OGDH: variants seen among roughly 807,000 people sequenced by gnomAD.
The protein encoded by OGDH is 2-oxoglutarate dehydrogenase complex component E1.
OGDH carries 38 observed loss-of-function variants against 116.6 expected under a neutral mutation model. The ratio of observed to expected loss-of-function variants is 0.33; its 90% confidence interval spans 0.25 to 0.43. OGDH has a LOEUF of 0.43. Among genes scored for constraint, OGDH ranks in the 20% least tolerant of loss-of-function variants. OGDH has a pLI of 1.00. For synonymous variants in OGDH, 488 were observed against 533.3 expected (o/e 0.92, Z 1.17); for missense variants, 825 against 1,357.2 (o/e 0.61, Z 6.16).
At position 44,694,313 on chromosome 7, in the gene OGDH, A is replaced by C; in HGVS notation, c.1516-111A>C. 1.5e-6 allele frequency: 2 copies of C among 1,315,570 alleles called. No homozygotes were observed. The allele number at this position is 1,315,570 out of a possible 1,614,324, so 81.5% of individuals were successfully genotyped here. Reference sequence around the variant, plus strand: ...GAAGGTAAACTCCAGGGCAGGCATGAGGAATGAAGAACGTGGCCATCACCT... The same window carrying C: ...GAAGGTAAACTCCAGGGCAGGCATGCGGAATGAAGAACGTGGCCATCACCT... On this transcript the variant is annotated intron_variant, in intron 11 of 22. Coordinates refer to ENST00000222673, the MANE Select transcript of OGDH (RefSeq NM_002541.4). This position sits in a 1 kb window ranked among gnomAD's most constrained non-coding sequence, Gnocchi z 4.2.
At chr7:44,647,398 A>G (rs1430334161) in intron 3 of OGDH, 3 of 1,343,614 alleles carry the variant, frequency 2.2e-6, no homozygotes, top group Non-Finnish European at 3.1e-6. Context: ...CCCTCCCCAC[A>G]GCTCACTGGA....
intron 4 of OGDH, among the ~76,000 whole-genome samples, chr7:44,656,976 G>T (rs1213032083): frequency 1.3e-5 from 2 of 152,090 alleles, no homozygotes; most frequent in African/African-American, 2.4e-5. Context: ...TTTACACTCT[G>T]GCTTCTCTAA....
chr7:44,682,430 G>A (rs1180480567), intron 10 of OGDH, among the ~76,000 whole-genome samples: 1 of 151,912 alleles, frequency 6.6e-6, no homozygotes, highest in African/African-American at 2.4e-5. Flanking sequence ...GGGCATGGTG[G>A]CCCACAAATG....
rs753194562 is a variant in OGDH, at chr7:44,696,421, TCTC to T, written c.1772-5_1772-3del. The T allele has an allele frequency of 6.2e-7, 1 of 1,609,126 alleles. No homozygotes were observed. Among genetic ancestry groups the T allele is most frequent in the African/African-American group, 1.3e-5 (1 of 74,708 alleles). On this transcript the variant is annotated splice_polypyrimidine_tract_variant and splice_region_variant and intron_variant, in intron 13 of 22. Coordinates refer to ENST00000222673, the MANE Select transcript of OGDH (RefSeq NM_002541.4). ...GATGTCATGCCTCAGTTGTTCTTCT[TCTC>T]CTAGGCTTCTTCACCCTGGACGGGC...
At chr7:44,653,039 T>G (rs1786522211) in intron 4 of OGDH, among the ~76,000 whole-genome samples, 1 of 152,218 alleles carries the variant, frequency 6.6e-6, no homozygotes, top group Non-Finnish European at 1.5e-5. Context: ...AAACTCCTGC[T>G]TAATTAGAAA....
Position 44,645,517 on chromosome 7 carries a change from A to G in OGDH, c.413A>G (p.Gln138Arg), listed in dbSNP as rs769807291. The G allele has an allele frequency of 6.2e-7, 1 of 1,613,722 alleles. No individual in the cohort carries two copies. Among genetic ancestry groups the G allele is most frequent in the South Asian group, 1.1e-5 (1 of 91,074 alleles). ...LAVQSLIRAY[Q>R]IRGHHVAQLD... ...GTGCAGTCGCTCATCAGGGCATATC[A>G]GGTAAGGCGGGTGCTTTACCCGCAC... Residue 138 changes from glutamine (Q) to arginine (R), a missense_variant and splice_region_variant, in exon 3 of 23, where the codon CAG becomes CGG. Gln to Arg is a conservative substitution (Grantham distance 43, BLOSUM62 1). Around this residue, in one of 7 missense-constraint regions of OGDH, gnomAD observed 171 missense variants for 276.8 expected, o/e 0.62. Coordinates refer to ENST00000222673, the MANE Select transcript of OGDH (RefSeq NM_002541.4).
At chr7:44,622,144 T>C (rs577853374) in intron 1 of OGDH, among the ~76,000 whole-genome samples, 1 of 152,274 alleles carries the variant, frequency 6.6e-6, no homozygotes, top group South Asian at 2.1e-4. Context: ...AATTGGGTAT[T>C]TAATATTGCC....
chr7:44,657,408 G>A (rs1173493573), intron 4 of OGDH, among the ~76,000 whole-genome samples: 2 of 152,196 alleles, frequency 1.3e-5, no homozygotes, highest in African/African-American at 4.8e-5. Context: ...GATTCATGCA[G>A]GTTGTTGGTG....
intron 4 of OGDH, among the ~76,000 whole-genome samples, chr7:44,662,464 CTTT>C (rs199533460): frequency 2.3e-5 from 3 of 130,822 alleles, no homozygotes; most frequent in Non-Finnish European, 3.3e-5. Context: ...CTTTTCTTTT[CTTT>C]TTTTTTTTTT....
At chr7:44,676,946 C>T (rs150617914) in intron 9 of OGDH, among the ~76,000 whole-genome samples, 4 of 152,078 alleles carry the variant, frequency 2.6e-5, no homozygotes, top group Non-Finnish European at 4.4e-5. Context: ...TGGTAGGAGA[C>T]GGAGGAGGGC....
chr7:44,696,637 CCCCA>C (rs144097169), intron 14 of OGDH, 80 bp downstream of exon 14: 125,647 of 1,571,796 alleles, frequency 0.08, 5,170 homozygotes, highest in Middle Eastern at 0.094. Context: ...TGACCTTGGC[CCCCA>C]CCCATCATGT....
At chr7:44,639,957 C>T (rs1785854736) in intron 2 of OGDH, among the ~76,000 whole-genome samples, 1 of 152,212 alleles carries the variant, frequency 6.6e-6, no homozygotes, top group Non-Finnish European at 1.5e-5. Context: ...GTGCAGTTAT[C>T]CTCAGCCAAT....
In OGDH at chr7:44,624,445, T is replaced by G. The variant is rs747668516; in HGVS notation, c.102T>G (p.Phe34Leu). The change falls in exon 2 of 23, where the codon TTT becomes TTG. Residue 34 changes from phenylalanine to leucine, a missense_variant. This residue lies in a region of OGDH where 126 missense variants were observed against 130.4 expected (regional missense o/e 0.97). Coordinates refer to ENST00000222673, the MANE Select transcript of OGDH (RefSeq NM_002541.4). ...SQNRPAAART[F>L]QQIRCYSAPV... The stretch of plus-strand genomic sequence containing the variant: ...ACAGACCAGCAGCAGCTAGGACATT[T>G]CAACAGATTCGGTGCTATTCTGCAC... 1.2e-5 allele frequency: 19 copies of G among 1,613,744 alleles called. No homozygotes were observed. Among genetic ancestry groups the G allele is most frequent in the Non-Finnish European group, 1.5e-5 (18 of 1,179,992 alleles).
intron 4 of OGDH, among the ~76,000 whole-genome samples, chr7:44,651,709 C>T (rs536417406): frequency 6.6e-6 from 1 of 151,756 alleles, no homozygotes; most frequent in African/African-American, 2.4e-5. Flanking sequence ...TTACAGGCAC[C>T]CATCATCATG....
At chr7:44,632,895 A>G (rs1355342986) in intron 2 of OGDH, among the ~76,000 whole-genome samples, 1 of 150,960 alleles carries the variant, frequency 6.6e-6, no homozygotes, top group African/African-American at 2.4e-5. Flanking sequence ...ATCCTTTTGT[A>G]CTGTACTTTA....
intron 10 of OGDH, among the ~76,000 whole-genome samples, chr7:44,684,164 A>G (rs1391615813): frequency 1.3e-5 from 2 of 152,216 alleles, no homozygotes; most frequent in Non-Finnish European, 2.9e-5. Context: ...GGACAAGGCC[A>G]TCGCAGCTCA....
chr7:44,616,908 G>T (rs1482293365), intron 1 of OGDH, among the ~76,000 whole-genome samples: 1 of 122,906 alleles, frequency 8.1e-6, no homozygotes, highest in East Asian at 2.5e-4. Flanking sequence ...CCGAGATCGC[G>T]CCACTGCACT....
Position 44,707,539 on chromosome 7 carries a change from C to G in OGDH, c.2797-43C>G. 6.2e-7 allele frequency: 1 copy of G among 1,609,426 alleles called. No homozygotes were observed. Among genetic ancestry groups the G allele is most frequent in the Non-Finnish European group, 8.5e-7 (1 of 1,177,968 alleles). On this transcript the variant is annotated intron_variant, in intron 21 of 22. Coordinates refer to ENST00000222673, the MANE Select transcript of OGDH (RefSeq NM_002541.4). The surrounding 1 kb of genome is among the most constrained non-coding windows in gnomAD (Gnocchi z 5.2). Reference sequence around the variant, plus strand: ...TTCCCTTTGCTGGATCTTGCCTGCCCTCTGAGTTTCCTCTTTTTGATCTGA... The same window carrying G: ...TTCCCTTTGCTGGATCTTGCCTGCCGTCTGAGTTTCCTCTTTTTGATCTGA...
chr7:44,704,104 T>A (rs1419642855), intron 20 of OGDH, among the ~76,000 whole-genome samples: 3 of 152,184 alleles, frequency 2.0e-5, no homozygotes, highest in Non-Finnish European at 2.9e-5. Context: ...ATATGGTAAT[T>A]CTATTTTTAG....
Sources: gnomAD v4.1 joint callset for allele counts (sites outside exome capture counted in the v4.1 genomes callset) on GRCh38, gnomAD v4.1.1 for gene constraint, gnomAD v4.1.1 regional missense constraint, Gnocchi (gnomAD v3.1) non-coding constraint, MANE v1.5 for transcripts, NCBI Gene and HGNC (gene_info 2026-07-23, HGNC 2026-07-21) for gene names.